The following KATNAL2 variants were observed in gnomAD, a reference collection of about 807,000 sequenced individuals.
KATNAL2 encodes katanin catalytic subunit A1 like 2, also known as katanin p60 ATPase-containing subunit A-like 2.
KATNAL2 carries 52 observed loss-of-function variants against 76.3 expected under a neutral mutation model. The observed-to-expected ratio is 0.68, with a 90% confidence interval of 0.55 to 0.86. KATNAL2 has a LOEUF of 0.86. KATNAL2 is among the 40% of genes least tolerant of loss of function. The pLI, the probability that KATNAL2 is intolerant of heterozygous loss-of-function variation, is 0.00. For missense variants in KATNAL2, 660 were observed against 668.9 expected (o/e 0.99, Z 0.15); for synonymous variants, 243 against 244.2 (o/e 1.00, Z 0.05).
chr18:47,081,912 TTAA>T (rs2062542736), intron 15 of KATNAL2, among the ~76,000 whole-genome samples: 1 of 152,194 alleles, frequency 6.6e-6, no homozygotes, highest in African/African-American at 2.4e-5. Flanking sequence ...ATACGTATCT[TTAA>T]AAAGAGGCAA....
In KATNAL2 at chr18:47,086,595, G is replaced by A. The variant is rs528920212; in HGVS notation, c.1211+9134G>A. 2.6e-5 allele frequency among the ~76,000 whole-genome samples: 4 copies of A among 152,286 alleles called. No individual in the cohort carries two copies. In the South Asian group the frequency reaches 6.2e-4, roughly 24 times the overall value. On this transcript the variant is annotated intron_variant, in intron 15 of 17. Transcript: ENST00000683218. ...CTCCCAAACTGTTGGGATTACAGGC[G>A]TGAGCCACTGTGCCCAGCCTGTTAT...
intron 14 of KATNAL2, chr18:47,076,446 C>A (rs1599778693): frequency 1.7e-5 from 1 of 58,924 alleles, no homozygotes; most frequent in East Asian, 2.9e-4. Context: ...AGCCCACCCT[C>A]ATAGTCACTC....
chr18:47,077,659 A>G, intron 15 of KATNAL2, 198 bp downstream of exon 15: 1 of 479,510 alleles, frequency 2.1e-6, no homozygotes, highest in Non-Finnish European at 3.7e-6. Context: ...GAGGAAACAC[A>G]GGCCAGGGTG....
At chr18:47,081,676 A>G (rs1052674288) in intron 15 of KATNAL2, among the ~76,000 whole-genome samples, 11 of 152,182 alleles carry the variant, frequency 7.2e-5, no homozygotes, top group Non-Finnish European at 2.9e-5. Flanking sequence ...TTAAGAATAG[A>G]ACTTCAAGTT....
intron 15 of KATNAL2, among the ~76,000 whole-genome samples, chr18:47,088,939 A>C (rs1264806911): frequency 6.6e-6 from 1 of 152,182 alleles, no homozygotes; most frequent in African/African-American, 2.4e-5. Flanking sequence ...CTCCCACCCC[A>C]AAGTGCAAGG....
intron 1 of KATNAL2, among the ~76,000 whole-genome samples, chr18:46,921,898 C>T (rs1232122759): frequency 6.6e-6 from 1 of 152,074 alleles, no homozygotes; most frequent in Non-Finnish European, 1.5e-5. Context: ...TTCCTTCCCA[C>T]TGATTACTTC....
At chr18:47,033,198 G>C in intron 3 of KATNAL2, 1 of 1,614,104 alleles carries the variant, frequency 6.2e-7, no homozygotes, top group Non-Finnish European at 8.5e-7. Flanking sequence ...CGCCGCTGCT[G>C]CTCTGGCTGG....
intron 1 of KATNAL2, among the ~76,000 whole-genome samples, chr18:46,926,616 C>G (rs1184422986): frequency 6.6e-6 from 1 of 152,140 alleles, no homozygotes; most frequent in Non-Finnish European, 1.5e-5. Context: ...TGGTGCAGAG[C>G]TGAGTTCAAT....
In KATNAL2 at chr18:47,100,903, A is replaced by C; in HGVS notation, c.1515A>C (p.Val505=). The part of the protein sequence containing the change: ...SDLPRIQLDI[V]TTADFLDVLT... ...TACCCAGGATCCAGTTGGATATAGTAACCACTGCCGACTTTCTGGATGTGC... is the reference window on the plus strand; with the variant it reads ...TACCCAGGATCCAGTTGGATATAGTCACCACTGCCGACTTTCTGGATGTGC... The change falls in exon 18 of 18, where the codon GTA becomes GTC. Residue 505 remains valine, a synonymous_variant. Transcript: ENST00000683218. 6.2e-7 allele frequency: 1 copy of C among 1,614,186 alleles called. No homozygotes were observed. The highest frequency in any genetic ancestry group is 2.2e-5 in the East Asian group (1 of 44,874).
intron 4 of KATNAL2, 123 bp downstream of exon 4, chr18:47,046,650 A>G (rs1278533588): frequency 9.4e-6 from 7 of 743,358 alleles, no homozygotes. Flanking sequence ...TTACAGAAAA[A>G]TCGAGCAGAA....
At chr18:46,950,954 G>A (rs552304691) in intron 3 of KATNAL2, among the ~76,000 whole-genome samples, 2 of 152,224 alleles carry the variant, frequency 1.3e-5, no homozygotes, top group South Asian at 4.1e-4. Flanking sequence ...AAAGTGCTGG[G>A]ATTACAGGCG....
intron 1 of KATNAL2, among the ~76,000 whole-genome samples, chr18:46,922,059 T>A (rs2058575124): frequency 6.6e-6 from 1 of 151,696 alleles, no homozygotes; most frequent in Non-Finnish European, 1.5e-5. Context: ...AAAACTAGTA[T>A]CAAGGAAACT....
chr18:47,046,258 T>A, intron 3 of KATNAL2, 199 bp from the exon 4 acceptor site: 1 of 575,608 alleles, frequency 1.7e-6, no homozygotes, highest in Non-Finnish European at 3.1e-6. Flanking sequence ...TCCCTTAAGT[T>A]TACAATTGAG....
chr18:46,935,105 G>C (rs1176496374), intron 1 of KATNAL2, among the ~76,000 whole-genome samples: 1 of 151,790 alleles, frequency 6.6e-6, no homozygotes, highest in South Asian at 2.1e-4. Flanking sequence ...ACCTACCAGA[G>C]CAACCAGAAA....
Position 47,059,583 on chromosome 18 carries a change from AG to A in KATNAL2, c.479del (p.Ser160MetfsTer47), listed in dbSNP as rs1308173067. 3 of 1,613,430 alleles carry A rather than the reference AG, an allele frequency of 1.9e-6. No individual in the cohort carries two copies. Among genetic ancestry groups the A allele is most frequent in the Admixed American group, 1.7e-5 (1 of 60,028 alleles). Reference protein sequence around the residue: ...QEVVDNTRLESANFGLHISRI... With the variant: ...QEVVDNTRLEXANFGLHISRI... ...GGTAGTTGATAACACTCGCCTGGAA[AG>A]TGCCAACTTCGGCCTACATATATCA... On this transcript the variant is annotated frameshift_variant, in exon 8 of 18. Coordinates refer to ENST00000683218, the MANE Select transcript of KATNAL2 (RefSeq NM_001387690.1). LOFTEE classifies it high-confidence loss of function.
At chr18:47,073,986 G>T (rs999549089) in intron 13 of KATNAL2, among the ~76,000 whole-genome samples, 1 of 152,172 alleles carries the variant, frequency 6.6e-6, no homozygotes, top group Non-Finnish European at 1.5e-5. Context: ...TTAAAAACAT[G>T]TACGGGTTTT....
At chr18:46,929,048 G>A (rs1028120126) in intron 1 of KATNAL2, among the ~76,000 whole-genome samples, 2 of 152,110 alleles carry the variant, frequency 1.3e-5, no homozygotes, top group Admixed American at 6.6e-5. Flanking sequence ...CACCCACCTC[G>A]GCCTCCCAAA....
At chr18:47,090,874 A>G (rs1462691282) in intron 15 of KATNAL2, among the ~76,000 whole-genome samples, 1 of 152,156 alleles carries the variant, frequency 6.6e-6, no homozygotes, top group Non-Finnish European at 1.5e-5. Flanking sequence ...AAGACAAAGT[A>G]CCCTTCAATG....
At chr18:47,081,227 C>A (rs1034181127) in intron 15 of KATNAL2, among the ~76,000 whole-genome samples, 14 of 151,886 alleles carry the variant, frequency 9.2e-5, no homozygotes, top group African/African-American at 3.1e-4. Context: ...AGTCTTGGAC[C>A]TTTCAGAAGA....
Sources: allele counts gnomAD v4.1 joint callset (sites outside exome capture counted in the v4.1 genomes callset), GRCh38; gene constraint gnomAD v4.1.1; transcripts MANE v1.5; gene names NCBI Gene and HGNC (gene_info 2026-07-23, HGNC 2026-07-21).